Variants in USH2A observed in about 807,000 individuals in gnomAD.
The protein encoded by USH2A is Usher syndrome 2A (autosomal recessive, mild).
A neutral mutation model predicts 538.9 loss-of-function variants in USH2A; 443 were observed. That is an observed-to-expected ratio of 0.82 (90% CI 0.76 to 0.89). The LOEUF (loss-of-function observed/expected upper bound fraction) is 0.89. Among genes scored for constraint, USH2A ranks in the 40% least tolerant of loss-of-function variants. The probability of loss-of-function intolerance (pLI) is 0.00; values close to 1 mark genes in which losing one functional copy is unlikely to be tolerated. For missense variants in USH2A, 6,633 were observed against 6,324.8 expected (o/e 1.05, Z -1.65); for synonymous variants, 2,413 against 2,273.5 (o/e 1.06, Z -1.75).
At chr1:215,907,456 C>G (rs748065933) in intron 38 of USH2A, among the ~76,000 whole-genome samples, 1 of 152,034 alleles carries the variant, frequency 6.6e-6, no homozygotes. Flanking sequence ...GTTTTCTCAA[C>G]CATCTTCTAG....
rs80055471 is a variant in USH2A, at chr1:216,063,406, C to T, written c.6049+6695G>A. ...TTCCCTCCTCATTATCCTGAGTCTT[C>T]ACAATGAAAAGTCCACCTGGCAATA... On this transcript the variant is annotated intron_variant, in intron 30 of 71. Transcript: ENST00000307340. Among the ~76,000 whole-genome samples, 636 of 152,306 alleles carry T rather than the reference C, an allele frequency of 4.2e-3. 7 individuals carry two copies. Among genetic ancestry groups the T allele is most frequent in the African/African-American group, 0.014 (577 of 41,568 alleles).
At chr1:215,631,048 C>T (rs530728461) in intron 70 of USH2A, among the ~76,000 whole-genome samples, 2 of 152,234 alleles carry the variant, frequency 1.3e-5, no homozygotes, top group African/African-American at 4.8e-5. Context: ...TGATGAAATA[C>T]AAAAGACACT....
At chr1:216,368,452 G>T (rs1447423320) in intron 3 of USH2A, among the ~76,000 whole-genome samples, 1 of 152,076 alleles carries the variant, frequency 6.6e-6, no homozygotes, top group African/African-American at 2.4e-5. Context: ...GCTGACTCAG[G>T]CTGGGAAATA....
chr1:216,273,733 A>T (rs2102584605), intron 11 of USH2A, among the ~76,000 whole-genome samples: 1 of 151,910 alleles, frequency 6.6e-6, no homozygotes, highest in African/African-American at 2.4e-5. Context: ...TAGAAATCAC[A>T]ATTTCTACTT....
intron 3 of USH2A, among the ~76,000 whole-genome samples, chr1:216,383,051 T>C (rs1404427644): frequency 6.6e-6 from 1 of 152,162 alleles, no homozygotes; most frequent in Non-Finnish European, 1.5e-5. Flanking sequence ...TATAGGCTGG[T>C]AGTCCTGGGA....
intron 31 of USH2A, among the ~76,000 whole-genome samples, 193 bp from the exon 32 acceptor site, chr1:216,046,785 G>A (rs2030539472): frequency 6.6e-6 from 1 of 152,162 alleles, no homozygotes; most frequent in East Asian, 1.9e-4. Context: ...GAGAATTTGT[G>A]TCAATGATGG....
At chr1:216,335,492 T>TTTTA (rs1264594707) in intron 4 of USH2A, among the ~76,000 whole-genome samples, 1 of 151,520 alleles carries the variant, frequency 6.6e-6, no homozygotes, top group Admixed American at 6.6e-5. Context: ...CAACAAAAGT[T>TTTTA]GATTGTTAGA....
intron 69 of USH2A, among the ~76,000 whole-genome samples, chr1:215,638,871 G>A (rs955122009): frequency 3.5e-4 from 52 of 149,288 alleles, no homozygotes; most frequent in African/African-American, 3.5e-4. Flanking sequence ...CCAGCTACTC[G>A]GGAGGCTGAG....
chr1:216,206,851 C>G (rs576392481), intron 16 of USH2A, among the ~76,000 whole-genome samples: 1 of 152,258 alleles, frequency 6.6e-6, no homozygotes, highest in African/African-American at 2.4e-5. Context: ...TACTTAATGA[C>G]TGTTCACTTG....
At chr1:216,027,348 A>C (rs562294366) in intron 32 of USH2A, among the ~76,000 whole-genome samples, 1 of 152,266 alleles carries the variant, frequency 6.6e-6, no homozygotes, top group African/African-American at 2.4e-5. Flanking sequence ...CTCAGAGGAA[A>C]CCTAACCTAT....
intron 59 of USH2A, among the ~76,000 whole-genome samples, chr1:215,742,686 T>C: frequency 6.6e-6 from 1 of 152,136 alleles, no homozygotes; most frequent in East Asian, 1.9e-4. Flanking sequence ...GACCACAGCC[T>C]AAGCCATGAA....
rs1250864617 is a variant in USH2A, at chr1:215,650,944, C to T, written c.14134-143G>A. Reference sequence around the variant, plus strand: ...GAAGAGATAAACTTTGATCTTGCAACCTTGTAATCACACAGGAGAGCAAGG... The same window carrying T: ...GAAGAGATAAACTTTGATCTTGCAATCTTGTAATCACACAGGAGAGCAAGG... On this transcript the variant is annotated intron_variant, in intron 64 of 71. Coordinates refer to ENST00000307340, the MANE Select transcript of USH2A (RefSeq NM_206933.4). 3.5e-6 allele frequency: 3 copies of T among 865,014 alleles called. No individual in the cohort carries two copies. In the African/African-American group the frequency reaches 5.2e-5, roughly 15 times the overall value. The allele number at this position is 865,014 out of a possible 1,614,324, so 53.6% of individuals were successfully genotyped here.
At chr1:216,112,635 C>T (rs1050977272) in intron 21 of USH2A, among the ~76,000 whole-genome samples, 1 of 151,930 alleles carries the variant, frequency 6.6e-6, no homozygotes, top group African/African-American at 2.4e-5. Context: ...TCAGATAGAC[C>T]CCAGTGTCTG....
chr1:216,349,806 T>TC, intron 4 of USH2A, among the ~76,000 whole-genome samples: 1 of 152,192 alleles, frequency 6.6e-6, no homozygotes, highest in East Asian at 1.9e-4. Context: ...GAGTAGCCAT[T>TC]TTTTATTCCT....
intron 2 of USH2A, among the ~76,000 whole-genome samples, chr1:216,419,205 T>C (rs1207087274): frequency 6.6e-6 from 1 of 152,064 alleles, no homozygotes; most frequent in African/African-American, 2.4e-5. Flanking sequence ...ACTCACCCCA[T>C]CATCAACTGG....
intron 31 of USH2A, 130 bp downstream of exon 31, chr1:216,048,404 C>G: frequency 2.2e-6 from 2 of 904,964 alleles, no homozygotes; most frequent in South Asian, 2.7e-5. Context: ...GCAATTATGG[C>G]CTGGCAATGC....
At chr1:215,763,970 ATAGG>A (rs1300656560) in intron 56 of USH2A, among the ~76,000 whole-genome samples, 1 of 152,148 alleles carries the variant, frequency 6.6e-6, no homozygotes, top group Non-Finnish European at 1.5e-5. Context: ...GGCTTAGGTG[ATAGG>A]TAGGTGGTAG....
At chr1:216,130,972 T>A (rs1558274471) in intron 21 of USH2A, among the ~76,000 whole-genome samples, 1 of 151,936 alleles carries the variant, frequency 6.6e-6, no homozygotes, top group Non-Finnish European at 1.5e-5. Flanking sequence ...CAACATCTAT[T>A]ATTTTTTTAT....
chr1:215,699,882 G>A (rs1658949787), intron 61 of USH2A, among the ~76,000 whole-genome samples: 1 of 152,174 alleles, frequency 6.6e-6, no homozygotes, highest in Admixed American at 6.5e-5. Context: ...CTTGTCCTGT[G>A]CTGGTTTTCC....
Sources: gnomAD v4.1 joint callset for allele counts (sites outside exome capture counted in the v4.1 genomes callset) on GRCh38, gnomAD v4.1.1 for gene constraint, MANE v1.5 for transcripts, NCBI Gene and HGNC (gene_info 2026-07-23, HGNC 2026-07-21) for gene names.